The following CACNG4 variants were observed in gnomAD, a reference collection of about 807,000 sequenced individuals.
The protein encoded by CACNG4 is voltage-dependent calcium channel gamma-4 subunit.
Under a neutral mutation model 22.9 loss-of-function variants are expected in CACNG4, and 8 were observed. The ratio of observed to expected loss-of-function variants is 0.35; its 90% CI spans 0.21 to 0.63. The LOEUF (loss-of-function observed/expected upper bound fraction) is 0.63. Among genes scored for constraint, CACNG4 ranks in the 30% least tolerant of loss-of-function variants. The pLI, the probability that CACNG4 is intolerant of heterozygous loss-of-function variation, is 0.72. For synonymous variants in CACNG4, 188 were observed against 191.9 expected (o/e 0.98, Z 0.17); for missense variants, 357 against 455.4 (o/e 0.78, Z 1.97).
At chr17:66,982,087 T>C (rs931665370) in intron 1 of CACNG4, among the ~76,000 whole-genome samples, 17 of 152,174 alleles carry the variant, frequency 1.1e-4, no homozygotes, top group African/African-American at 3.4e-4. Flanking sequence ...CGGTGAGTGT[T>C]ACAGCTCTTA....
chr17:67,031,140 G>A lies in CACNG4; in HGVS notation c.*136G>A, dbSNP rs902590373. The A allele has an allele frequency of 4.1e-6, 4 of 971,082 alleles. No individual in the cohort carries two copies. The highest frequency in any genetic ancestry group is 4.9e-5 in the Admixed American group (2 of 40,802). 60.2% of individuals were successfully genotyped at this position (971,082 alleles called of 1,614,324 possible). ...GCCCTCCCTGGCCTCCAGAGGTGGC[G>A]TGGGCTGGCTTTGCACGAAGGTTGT... On this transcript the variant is annotated 3_prime_UTR_variant, in exon 4 of 4. Transcript: ENST00000262138. The surrounding 1 kb of genome is among the most constrained non-coding windows in gnomAD (Gnocchi z 4.0).
chr17:67,011,975 G>A (rs954854321), intron 1 of CACNG4, among the ~76,000 whole-genome samples: 3 of 152,134 alleles, frequency 2.0e-5, no homozygotes. Context: ...CTGTTTCCTT[G>A]AAGCTAACCC....
At chr17:67,007,553 G>A (rs2035444901) in intron 1 of CACNG4, among the ~76,000 whole-genome samples, 2 of 151,968 alleles carry the variant, frequency 1.3e-5, no homozygotes, top group African/African-American at 4.8e-5. Flanking sequence ...TTTTCTGAAT[G>A]AGGAGTGGCT....
rs756416797 is a variant in CACNG4, at chr17:67,014,173, C to T, written c.221-4016C>T. Among the ~76,000 whole-genome samples the T allele has an allele frequency of 3.7e-4, 56 of 152,198 alleles. 1 individual carries two copies. Among genetic ancestry groups the T allele is most frequent in the Admixed American group, 2.9e-3 (44 of 15,278 alleles). Reference sequence around the variant, plus strand: ...TTCCTGCAGCCCAGCCAGCCAGGATCTCACAATTAGCCACCCTAAATATCA... The same window carrying T: ...TTCCTGCAGCCCAGCCAGCCAGGATTTCACAATTAGCCACCCTAAATATCA... On this transcript the variant is annotated intron_variant, in intron 1 of 3. Transcript: ENST00000262138.
chr17:67,005,821 G>A (rs568180517), intron 1 of CACNG4, among the ~76,000 whole-genome samples: 18 of 152,212 alleles, frequency 1.2e-4, no homozygotes, highest in Non-Finnish European at 1.8e-4. Context: ...CAGGGCTCCT[G>A]CCCCACTGCC....
intron 2 of CACNG4, among the ~76,000 whole-genome samples, chr17:67,023,743 T>G (rs920806367): frequency 3.3e-5 from 5 of 151,944 alleles, no homozygotes; most frequent in South Asian, 2.1e-4. Context: ...GGCTAATTTT[T>G]TTTGTTTGTT....
intron 1 of CACNG4, among the ~76,000 whole-genome samples, chr17:67,011,317 C>A (rs1466638007): frequency 6.6e-6 from 1 of 152,118 alleles, no homozygotes; most frequent in African/African-American, 2.4e-5. Context: ...CGTATGTGAG[C>A]AGCCCCCGCA....
chr17:67,030,950 C>G lies in CACNG4; in HGVS notation c.930C>G (p.Asp310Glu). The G allele has an allele frequency of 6.2e-7, 1 of 1,613,856 alleles. No homozygotes were observed. ...FLQVHDFFQQDLKEGFHVSML... is the reference protein window; with the variant it reads ...FLQVHDFFQQELKEGFHVSML... ...AGGTGCATGACTTTTTCCAGCAGGA[C>G]CTGAAGGAAGGTTTCCACGTCAGCA... Residue 310 changes from aspartate to glutamate, a missense_variant, in exon 4 of 4, where the codon GAC becomes GAG. By Grantham distance (45) the Asp-to-Glu change is conservative. Coordinates refer to ENST00000262138, the MANE Select transcript of CACNG4 (RefSeq NM_014405.4). The surrounding 1 kb of genome is among the most constrained non-coding windows in gnomAD (Gnocchi z 6.4).
chr17:67,022,862 C>A (rs2035540505), intron 2 of CACNG4, among the ~76,000 whole-genome samples: 1 of 152,264 alleles, frequency 6.6e-6, no homozygotes, highest in African/African-American at 2.4e-5. Flanking sequence ...GGAGGGGCAC[C>A]CTAAGCCCCT....
At chr17:66,985,220 C>T (rs963012756) in intron 1 of CACNG4, among the ~76,000 whole-genome samples, 8 of 152,188 alleles carry the variant, frequency 5.3e-5, no homozygotes, top group Admixed American at 4.6e-4. Context: ...AGAAAATGCT[C>T]ATTGAGGATT....
intron 1 of CACNG4, among the ~76,000 whole-genome samples, chr17:66,988,082 CAT>C (rs770444864): frequency 1.5e-4 from 22 of 151,588 alleles, no homozygotes; most frequent in Non-Finnish European, 2.2e-4. Context: ...CACACACACA[CAT>C]GCAACTGCAC....
At chr17:66,967,667 C>T (rs1450804971) in intron 1 of CACNG4, among the ~76,000 whole-genome samples, 1 of 152,110 alleles carries the variant, frequency 6.6e-6, no homozygotes, top group Non-Finnish European at 1.5e-5. Context: ...ACCTCCAAAG[C>T]AAAATGAACA....
chr17:67,013,760 A>G (rs1018663597), intron 1 of CACNG4, among the ~76,000 whole-genome samples: 2 of 151,888 alleles, frequency 1.3e-5, no homozygotes, highest in African/African-American at 2.4e-5. Flanking sequence ...AGCCGAGTCC[A>G]TGCCATTGCG....
At chr17:67,024,744 C>T in intron 2 of CACNG4, 116 bp from the exon 3 acceptor site, 3 of 1,203,648 alleles carry the variant, frequency 2.5e-6, no homozygotes, top group Non-Finnish European at 2.2e-6. Context: ...ATGGGAATCT[C>T]AAATCCTGGG....
chr17:66,985,886 A>G (rs2035302570), intron 1 of CACNG4, among the ~76,000 whole-genome samples: 1 of 152,142 alleles, frequency 6.6e-6, no homozygotes, highest in African/African-American at 2.4e-5. Context: ...GGAAGTTTCT[A>G]GATGGTAAGT....
chr17:67,026,179 G>C (rs1051145100), intron 3 of CACNG4, among the ~76,000 whole-genome samples: 1 of 149,318 alleles, frequency 6.7e-6, no homozygotes, highest in South Asian at 2.2e-4. Flanking sequence ...TTGTGTGTGA[G>C]GAGTGTGGTG....
At chr17:67,022,563 C>A (rs1265693421) in intron 2 of CACNG4, among the ~76,000 whole-genome samples, 1 of 152,248 alleles carries the variant, frequency 6.6e-6, no homozygotes, top group East Asian at 1.9e-4. Context: ...AGACAATCTC[C>A]TCTCTGTGAA....
rs114647676 is a variant in CACNG4, at chr17:66,978,920, C to T, written c.220+13789C>T. ...GGCAGAGTGTCCTCACTTGCTCAACCGTTTGGAGGATCTCCCGTCTTCTAC... is the reference window on the plus strand; with the variant it reads ...GGCAGAGTGTCCTCACTTGCTCAACTGTTTGGAGGATCTCCCGTCTTCTAC... On this transcript the variant is annotated intron_variant, in intron 1 of 3. Transcript: ENST00000262138. 1.5e-3 allele frequency among the ~76,000 whole-genome samples: 236 copies of T among 152,326 alleles called. 1 individual carries two copies. The highest frequency in any genetic ancestry group is 5.5e-3 in the African/African-American group (230 of 41,576).
chr17:66,968,136 G>T (rs1489201810), intron 1 of CACNG4, among the ~76,000 whole-genome samples: 1 of 152,076 alleles, frequency 6.6e-6, no homozygotes, highest in Admixed American at 6.5e-5. Flanking sequence ...TCAGGGACTT[G>T]CCCAGAGGCG....
Sources: gnomAD v4.1 joint callset for allele counts (sites outside exome capture counted in the v4.1 genomes callset) on GRCh38, gnomAD v4.1.1 for gene constraint, Gnocchi (gnomAD v3.1) non-coding constraint, MANE v1.5 for transcripts, NCBI Gene and HGNC (gene_info 2026-07-23, HGNC 2026-07-21) for gene names.